ZNF540: variants seen among roughly 807,000 people sequenced by gnomAD.
ZNF540 encodes zinc finger protein 540.
ZNF540 carries 3 observed loss-of-function variants against 11.8 expected under a neutral mutation model. The observed-to-expected ratio is 0.25, with a 90% CI of 0.12 to 0.65. The LOEUF (loss-of-function observed/expected upper bound fraction) is 0.65. Among genes scored for constraint, ZNF540 ranks in the 30% least tolerant of loss-of-function variants. The pLI is 0.83. For missense variants in ZNF540, 709 were observed against 793.1 expected (o/e 0.89, Z 1.27); for synonymous variants, 247 against 259.0 (o/e 0.95, Z 0.45).
intron 1 of ZNF540, among the ~76,000 whole-genome samples, chr19:37,559,957 A>C (rs1446254648): frequency 6.6e-6 from 1 of 152,222 alleles, no homozygotes; most frequent in Non-Finnish European, 1.5e-5. Context: ...ACAGCAGATG[A>C]GTGCAATACA....
Position 37,582,167 on chromosome 19 carries a change from T to C in ZNF540, c.-72-16209T>C, listed in dbSNP as rs187625544. 6.4e-4 allele frequency among the ~76,000 whole-genome samples: 98 copies of C among 152,278 alleles called. 1 individual carries two copies. The highest frequency in any genetic ancestry group is 2.2e-3 in the African/African-American group (92 of 41,560). ...GTTAATTCACTGTCCCACTCTAGTT[T>C]TTATTGTTGACTTACTTCTTTCTCA... On this transcript the variant is annotated intron_variant, in intron 1 of 4. Transcript: ENST00000592533.
intron 1 of ZNF540, chr19:37,560,959 C>T (rs932712121): frequency 2.1e-5 from 3 of 144,674 alleles, no homozygotes; most frequent in East Asian, 2.0e-4. Context: ...TGTCTGTAAT[C>T]GCAGTACTTT....
chr19:37,554,244 G>A (rs976393738), intron 1 of ZNF540, among the ~76,000 whole-genome samples: 1 of 152,204 alleles, frequency 6.6e-6, no homozygotes, highest in Non-Finnish European at 1.5e-5. Context: ...GAACATAACA[G>A]TATTTGGGTT....
At chr19:37,565,596 G>A (rs780099011) in intron 1 of ZNF540, 1 of 1,613,162 alleles carries the variant, frequency 6.2e-7, no homozygotes, top group East Asian at 2.2e-5. Context: ...CATTCATAGG[G>A]TTTTTCACCA....
At chr19:37,610,267 C>T (rs1600564646) in intron 4 of ZNF540, among the ~76,000 whole-genome samples, 1 of 152,242 alleles carries the variant, frequency 6.6e-6, no homozygotes, top group East Asian at 1.9e-4. Flanking sequence ...TCCTTTAAGA[C>T]AATGATTAAT....
chr19:37,565,912 G>A, intron 1 of ZNF540: 1 of 1,613,824 alleles, frequency 6.2e-7, no homozygotes, highest in Non-Finnish European at 8.5e-7. Flanking sequence ...AGGTATTCCT[G>A]TGTTTCTTAA....
intron 1 of ZNF540, chr19:37,585,187 C>A (rs891650719): frequency 6.6e-6 from 1 of 152,252 alleles, no homozygotes; most frequent in African/African-American, 2.4e-5. Flanking sequence ...ATCATCCTCT[C>A]TCATTGGTTC....
rs1468503339 is a variant in ZNF540 at position 37,556,155 on chromosome 19, G to C, written c.-73+4490G>C. 4.3e-6 allele frequency: 3 copies of C among 702,006 alleles called. No homozygotes were observed. In the East Asian group the frequency reaches 8.0e-5, roughly 19 times the overall value. The allele number at this position is 702,006 out of a possible 1,614,324, so 43.5% of individuals were successfully genotyped here. A position where few individuals can be genotyped will look rare whatever the true frequency, so the allele number is the denominator to read the frequency against. ...ATTGTGTTGCTCTTCGCGGGTACGG[G>C]CTGGCTCTGGGAACAGTACACATAA... On this transcript the variant is annotated intron_variant, in intron 1 of 4. Transcript: ENST00000592533.
At chr19:37,567,093 T>A (rs1391344053) in intron 1 of ZNF540, among the ~76,000 whole-genome samples, 1 of 152,154 alleles carries the variant, frequency 6.6e-6, no homozygotes, top group Non-Finnish European at 1.5e-5. Flanking sequence ...CATGGCTTGT[T>A]CCCTCATTTC....
chr19:37,561,074 A>AAAAAG lies in ZNF540; in HGVS notation c.-73+9409_-73+9410insAAAAG, dbSNP rs57590004. Among the ~76,000 whole-genome samples, 1,311 of 135,694 alleles carry AAAAAG rather than the reference A, an allele frequency of 9.7e-3. 54 individuals are homozygous for AAAAAG. Among genetic ancestry groups the AAAAAG allele is most frequent in the African/African-American group, 0.037 (1,261 of 34,182 alleles). 89.0% of individuals were successfully genotyped at this position (135,694 alleles called of 152,430 possible). A position where few individuals can be genotyped will look rare whatever the true frequency, so the allele number is the denominator to read the frequency against. On this transcript the variant is annotated intron_variant, in intron 1 of 4. Transcript: ENST00000592533. ...AAAAAAAAAAAAAAAAAAAAAAAAA[A>AAAAAG]GAAAGAAAAAATTTAAATTATCCAG...
intron 1 of ZNF540, among the ~76,000 whole-genome samples, chr19:37,587,503 A>G (rs2043716113): frequency 6.6e-6 from 1 of 152,236 alleles, no homozygotes; most frequent in Non-Finnish European, 1.5e-5. Flanking sequence ...CAATGTGCGC[A>G]CAGCACGCCC....
intron 1 of ZNF540, chr19:37,586,945 G>A (rs750953138): frequency 2.0e-5 from 9 of 458,244 alleles, no homozygotes; most frequent in Non-Finnish European, 2.7e-5. Context: ...GACCCTAGGT[G>A]CTGTTACTTT....
At chr19:37,600,579 A>T (rs1214289361) in intron 3 of ZNF540, among the ~76,000 whole-genome samples, 1 of 152,146 alleles carries the variant, frequency 6.6e-6, no homozygotes, top group African/African-American at 2.4e-5. Flanking sequence ...CAAAAGAAAA[A>T]AAGAAAATAA....
intron 1 of ZNF540, among the ~76,000 whole-genome samples, chr19:37,561,074 A>AAAAAAAAAAG (rs57590004): frequency 2.9e-5 from 4 of 135,774 alleles, no homozygotes; most frequent in African/African-American, 1.2e-4. Flanking sequence ...AAAAAAAAAA[A>AAAAAAAAAAG]GAAAGAAAAA....
At chr19:37,581,934 C>T (rs1222820978) in intron 1 of ZNF540, among the ~76,000 whole-genome samples, 1 of 152,084 alleles carries the variant, frequency 6.6e-6, no homozygotes, top group Non-Finnish European at 1.5e-5. Flanking sequence ...TTCTTTCTCT[C>T]CTACCACCAT....
chr19:37,600,534 T>C (rs374146006), intron 3 of ZNF540, among the ~76,000 whole-genome samples: 15 of 152,208 alleles, frequency 9.9e-5, no homozygotes, highest in East Asian at 9.6e-4. Flanking sequence ...GCTTACTATA[T>C]ACCAGGCATC....
chr19:37,556,027 G>T, intron 1 of ZNF540: 1 of 702,484 alleles, frequency 1.4e-6, no homozygotes, highest in Non-Finnish European at 2.6e-6. Flanking sequence ...TCAACATTTT[G>T]GAGTCCTTTT....
chr19:37,606,991 ATAT>A (rs765838207), intron 4 of ZNF540, among the ~76,000 whole-genome samples: 1 of 151,854 alleles, frequency 6.6e-6, no homozygotes, highest in Non-Finnish European at 1.5e-5. Flanking sequence ...ATTCCCATTG[ATAT>A]TATCCATTTT....
chr19:37,561,968 A>G (rs1173480336), intron 1 of ZNF540, among the ~76,000 whole-genome samples: 3 of 152,218 alleles, frequency 2.0e-5, no homozygotes, highest in Non-Finnish European at 2.9e-5. Context: ...ATTCTCAGTT[A>G]CCACTTTTTT....
Sources: gnomAD v4.1 joint callset for allele counts (sites outside exome capture counted in the v4.1 genomes callset) on GRCh38, gnomAD v4.1.1 for gene constraint, MANE v1.5 for transcripts, NCBI Gene and HGNC (gene_info 2026-07-23, HGNC 2026-07-21) for gene names.